The following ELL variants were observed in gnomAD, a reference collection of about 807,000 sequenced individuals.
The protein encoded by ELL is elongation factor for RNA polymerase II, also known as RNA polymerase II elongation factor ELL.
In ELL, 18 loss-of-function variants were observed where a neutral mutation model predicts 64.0. The ratio of observed to expected loss-of-function variants is 0.28; its 90% CI spans 0.19 to 0.42. The LOEUF is 0.42. Among genes scored for constraint, ELL ranks in the 10% least tolerant of loss-of-function variants. The pLI, the probability that ELL is intolerant of heterozygous loss-of-function variation, is 1.00. For synonymous variants in ELL, 399 were observed against 376.2 expected (o/e 1.06, Z -0.70); for missense variants, 797 against 870.4 (o/e 0.92, Z 1.06).
At position 18,445,102 on chromosome 19, in the gene ELL, G is replaced by T. The variant is rs1315372310; in HGVS notation, c.1749+122C>A. ...GGGTGGTGGGGCAACTTTGGCCTCAGACTCAAAGGCTCTTCCCCCACACCT... is the reference window on the plus strand; with the variant it reads ...GGGTGGTGGGGCAACTTTGGCCTCATACTCAAAGGCTCTTCCCCCACACCT... On this transcript the variant is annotated intron_variant, in intron 11 of 11. Transcript: ENST00000262809. 4 of 1,406,126 alleles carry T rather than the reference G, an allele frequency of 2.8e-6. No homozygotes were observed. In the African/African-American group the frequency reaches 4.2e-5, roughly 15 times the overall value. 87.1% of individuals were successfully genotyped at this position (1,406,126 alleles called of 1,614,324 possible). A position where few individuals can be genotyped will look rare whatever the true frequency, so the allele number is the denominator to read the frequency against.
chr19:18,514,186 T>C (rs967810872), intron 1 of ELL, among the ~76,000 whole-genome samples: 3 of 151,834 alleles, frequency 2.0e-5, no homozygotes, highest in Admixed American at 2.0e-4. Context: ...TCCCTGCGGA[T>C]GGTTTATTTG....
rs75414228 is a variant in ELL, at chr19:18,464,889, G to A, written c.469+523C>T. 6.5e-3 allele frequency among the ~76,000 whole-genome samples: 984 copies of A among 152,354 alleles called. 1 individual carries two copies. The highest frequency in any genetic ancestry group is 0.01 in the Non-Finnish European group (712 of 68,030). On this transcript the variant is annotated intron_variant, in intron 4 of 11. Coordinates refer to ENST00000262809, the MANE Select transcript of ELL (RefSeq NM_006532.4). ...TCCAAGTTGATGCTGAGTGGCCAGA[G>A]CTTTCCTGCAGTGCTGGGTCGCTGG...
intron 3 of ELL, 36 bp from the exon 4 acceptor site, chr19:18,465,611 G>A (rs201841887): frequency 6.4e-7 from 1 of 1,555,008 alleles, no homozygotes; most frequent in Non-Finnish European, 8.7e-7. Flanking sequence ...GTCAGCAGCT[G>A]GGACAATGCA....
intron 1 of ELL, among the ~76,000 whole-genome samples, chr19:18,478,917 C>T (rs1048556617): frequency 1.3e-5 from 2 of 152,188 alleles, no homozygotes; most frequent in African/African-American, 4.8e-5. Context: ...GGAAAAGGGT[C>T]GAGGGTGCAG....
intron 1 of ELL, among the ~76,000 whole-genome samples, chr19:18,477,238 C>T (rs898344156): frequency 6.6e-6 from 1 of 152,152 alleles, no homozygotes; most frequent in Non-Finnish European, 1.5e-5. Flanking sequence ...AGGTGGAAGT[C>T]ACAGCAGGCA....
intron 1 of ELL, among the ~76,000 whole-genome samples, chr19:18,489,611 G>A (rs1008417315): frequency 3.3e-5 from 5 of 152,094 alleles, no homozygotes; most frequent in East Asian, 1.9e-4. Flanking sequence ...TGATAAGGCC[G>A]GCAGGCTTAG....
chr19:18,474,221 T>C (rs1975128309), intron 1 of ELL, among the ~76,000 whole-genome samples: 1 of 152,152 alleles, frequency 6.6e-6, no homozygotes, highest in African/African-American at 2.4e-5. Context: ...GCCTGGGACA[T>C]GAGAGATGGC....
intron 1 of ELL, among the ~76,000 whole-genome samples, chr19:18,478,669 G>A (rs1189330482): frequency 2.6e-5 from 4 of 152,238 alleles, no homozygotes; most frequent in African/African-American, 9.6e-5. Context: ...CAGGTCAGCT[G>A]GGTCTTCAAG....
chr19:18,521,823 C>T, intron 1 of ELL, 98 bp downstream of exon 1: 2 of 1,468,410 alleles, frequency 1.4e-6, no homozygotes, highest in Admixed American at 2.2e-5. Context: ...GCACCACAGA[C>T]CTAGCGTCTC....
intron 1 of ELL, among the ~76,000 whole-genome samples, chr19:18,498,650 G>A (rs988568107): frequency 5.3e-5 from 8 of 152,142 alleles, no homozygotes; most frequent in African/African-American, 1.9e-4. Context: ...CGGATGGGTA[G>A]ACAGGCTGGG....
At chr19:18,488,995 G>A (rs1340753706) in intron 1 of ELL, among the ~76,000 whole-genome samples, 8 of 152,248 alleles carry the variant, frequency 5.3e-5, no homozygotes, top group Non-Finnish European at 5.9e-5. Context: ...TCTGCAGACC[G>A]ACTTCCGTCA....
intron 1 of ELL, among the ~76,000 whole-genome samples, chr19:18,484,291 C>A (rs1284884325): frequency 6.6e-6 from 1 of 152,114 alleles, no homozygotes; most frequent in South Asian, 2.1e-4. Flanking sequence ...TGGTGAAACC[C>A]CCATCTCTAC....
At chr19:18,497,406 T>G (rs1008327408) in intron 1 of ELL, among the ~76,000 whole-genome samples, 3 of 152,144 alleles carry the variant, frequency 2.0e-5, no homozygotes, top group African/African-American at 7.2e-5. Flanking sequence ...GGAGGATTTT[T>G]GGGGCAGTGA....
At chr19:18,483,559 C>T (rs1310098471) in intron 1 of ELL, among the ~76,000 whole-genome samples, 2 of 152,184 alleles carry the variant, frequency 1.3e-5, no homozygotes, top group Non-Finnish European at 2.9e-5. Context: ...TGCATGGGAT[C>T]GGGTTCCGGT....
At chr19:18,453,853 GCC>G (rs1974593898) in intron 6 of ELL, among the ~76,000 whole-genome samples, 1 of 152,198 alleles carries the variant, frequency 6.6e-6, no homozygotes, top group Admixed American at 6.5e-5. Context: ...ATAGGCATGA[GCC>G]ACCACGCCCG....
intron 8 of ELL, among the ~76,000 whole-genome samples, chr19:18,448,041 C>G (rs187959321): frequency 1.7e-3 from 262 of 151,974 alleles, no homozygotes; most frequent in African/African-American, 6.0e-3. Flanking sequence ...CTGAACTGGC[C>G]TTTCAAAGCG....
chr19:18,486,412 T>G (rs1975418417), intron 1 of ELL, among the ~76,000 whole-genome samples: 1 of 152,138 alleles, frequency 6.6e-6, no homozygotes, highest in African/African-American at 2.4e-5. Flanking sequence ...GAGTGTCCAC[T>G]GTGGATGTGA....
At chr19:18,509,521 T>C (rs1263651834) in intron 1 of ELL, among the ~76,000 whole-genome samples, 1 of 150,032 alleles carries the variant, frequency 6.7e-6, no homozygotes, top group African/African-American at 2.5e-5. Context: ...CTACCCTGGA[T>C]AGAGGGGCCC....
intron 1 of ELL, among the ~76,000 whole-genome samples, chr19:18,482,308 CT>C (rs530594631): frequency 2.8e-3 from 216 of 77,546 alleles, no homozygotes; most frequent in East Asian, 6.6e-3. Flanking sequence ...CTTTTCATTC[CT>C]TTTTTTTTTT....
Sources: gnomAD v4.1 joint callset for allele counts (sites outside exome capture counted in the v4.1 genomes callset) on GRCh38, gnomAD v4.1.1 for gene constraint, MANE v1.5 for transcripts, NCBI Gene and HGNC (gene_info 2026-07-23, HGNC 2026-07-21) for gene names.